Variants in CMTM8 observed in about 807,000 individuals in gnomAD.
The protein encoded by CMTM8 is CKLF like MARVEL transmembrane domain containing 8, also known as CKLF-like MARVEL transmembrane domain-containing protein 8.
A neutral mutation model predicts 18.6 loss-of-function variants in CMTM8; 12 were observed. The ratio of observed to expected loss-of-function variants is 0.65; its 90% CI spans 0.41 to 1.05. CMTM8 has a LOEUF of 1.05. Among genes scored for constraint, CMTM8 ranks in the 50% least tolerant of loss-of-function variants. The pLI is 0.00. For synonymous variants in CMTM8, 87 were observed against 90.6 expected (o/e 0.96, Z 0.23); for missense variants, 217 against 227.2 (o/e 0.95, Z 0.29).
intron 1 of CMTM8, among the ~76,000 whole-genome samples, chr3:32,255,882 T>G (rs891476210): frequency 4.6e-5 from 7 of 151,960 alleles, no homozygotes; most frequent in Admixed American, 3.9e-4. Context: ...CTTGCCACCA[T>G]GCCCAGCTAA....
At chr3:32,304,421 A>G in intron 1 of CMTM8, among the ~76,000 whole-genome samples, 1 of 152,192 alleles carries the variant, frequency 6.6e-6, no homozygotes, top group East Asian at 1.9e-4. Context: ...GGGAAAGGAA[A>G]AGTATAAAGG....
At chr3:32,292,822 T>C (rs1244544570) in intron 1 of CMTM8, among the ~76,000 whole-genome samples, 4 of 151,996 alleles carry the variant, frequency 2.6e-5, no homozygotes, top group Non-Finnish European at 5.9e-5. Flanking sequence ...TGCCAAATGC[T>C]CTGTGAAGGG....
intron 1 of CMTM8, among the ~76,000 whole-genome samples, chr3:32,349,088 G>A (rs1696654202): frequency 6.6e-6 from 1 of 152,012 alleles, no homozygotes; most frequent in Non-Finnish European, 1.5e-5. Flanking sequence ...GGTGGGAAAT[G>A]TTTTCTTCTA....
intron 1 of CMTM8, among the ~76,000 whole-genome samples, chr3:32,315,979 A>C (rs1037733293): frequency 2.7e-5 from 4 of 150,568 alleles, no homozygotes; most frequent in Non-Finnish European, 3.0e-5. Context: ...AAAATTACCA[A>C]GATCTAAAAT....
intron 1 of CMTM8, among the ~76,000 whole-genome samples, chr3:32,272,291 G>A (rs925704355): frequency 2.0e-5 from 3 of 151,930 alleles, no homozygotes; most frequent in Non-Finnish European, 4.4e-5. Flanking sequence ...GTCTAGCTAA[G>A]GTTTTCTTTT....
At chr3:32,282,624 C>T (rs891790754) in intron 1 of CMTM8, among the ~76,000 whole-genome samples, 3 of 152,160 alleles carry the variant, frequency 2.0e-5, no homozygotes, top group Admixed American at 1.3e-4. Context: ...CCCCCTACAC[C>T]GGTCTGCTCT....
intron 1 of CMTM8, among the ~76,000 whole-genome samples, chr3:32,251,884 G>A (rs1702115114): frequency 6.6e-6 from 1 of 151,664 alleles, no homozygotes; most frequent in Non-Finnish European, 1.5e-5. Context: ...GAGCTCAGGA[G>A]TTCGAGACTA....
chr3:32,272,946 G>T (rs2125544636), intron 1 of CMTM8, among the ~76,000 whole-genome samples: 2 of 152,092 alleles, frequency 1.3e-5, no homozygotes, highest in Admixed American at 6.5e-5. Context: ...AAAGGATTTG[G>T]GTAGATATTT....
chr3:32,254,718 TA>T (rs200045377), intron 1 of CMTM8, among the ~76,000 whole-genome samples: 2 of 149,782 alleles, frequency 1.3e-5, no homozygotes. Context: ...TTCTCTGGAT[TA>T]AAAAAAAAAT....
chr3:32,268,435 G>A (rs1193695713), intron 1 of CMTM8, among the ~76,000 whole-genome samples: 2 of 152,088 alleles, frequency 1.3e-5, no homozygotes, highest in Non-Finnish European at 2.9e-5. Context: ...CACACCCCGG[G>A]GCCTGTTGTG....
intron 1 of CMTM8, among the ~76,000 whole-genome samples, chr3:32,352,172 T>C (rs1191455238): frequency 8.7e-6 from 1 of 114,598 alleles, no homozygotes; most frequent in Non-Finnish European, 1.7e-5. Context: ...AGTGAGACTG[T>C]CTGAAAAAAA....
At chr3:32,281,437 A>G (rs1324710707) in intron 1 of CMTM8, among the ~76,000 whole-genome samples, 1 of 152,182 alleles carries the variant, frequency 6.6e-6, no homozygotes, top group Admixed American at 6.5e-5. Flanking sequence ...TTTTAAATGA[A>G]TAAAGTACAT....
At chr3:32,253,003 T>C (rs542883335) in intron 1 of CMTM8, among the ~76,000 whole-genome samples, 57 of 152,306 alleles carry the variant, frequency 3.7e-4, no homozygotes, top group African/African-American at 1.3e-3. Context: ...ACCTAGGAGA[T>C]AGGATTGTTT....
chr3:32,238,888 T>G lies in CMTM8; in HGVS notation c.-85T>G. The G allele has an allele frequency of 7.8e-7, 1 of 1,283,410 alleles. No individual in the cohort carries two copies. The highest frequency in any genetic ancestry group is 1.0e-6 in the Non-Finnish European group (1 of 992,720). The allele number at this position is 1,283,410 out of a possible 1,614,324, so 79.5% of individuals were successfully genotyped here. ...GGGCCGCGCTCCCCTCCCCCGCGCC[T>G]GTGTCCCCAGGGCGCAGGGCCGCGC... On this transcript the variant is annotated 5_prime_UTR_variant, in exon 1 of 4. Transcript: ENST00000307526.
intron 1 of CMTM8, among the ~76,000 whole-genome samples, chr3:32,319,074 ATT>A (rs1177949113): frequency 8.9e-4 from 28 of 31,532 alleles, no homozygotes; most frequent in African/African-American, 1.8e-3. Flanking sequence ...ATATATATAT[ATT>A]TTTTTTTTTT....
intron 1 of CMTM8, among the ~76,000 whole-genome samples, chr3:32,255,624 C>G (rs185177553): frequency 8.3e-4 from 126 of 152,232 alleles, no homozygotes; most frequent in Admixed American, 1.4e-3. Context: ...TGAGTCATTG[C>G]ACATCCATTT....
intron 1 of CMTM8, among the ~76,000 whole-genome samples, chr3:32,316,438 G>T (rs1695933000): frequency 6.6e-6 from 1 of 152,210 alleles, no homozygotes; most frequent in African/African-American, 2.4e-5. Flanking sequence ...AACTTTCCCA[G>T]ATCCTTGGTG....
chr3:32,282,636 A>G (rs557126093), intron 1 of CMTM8, among the ~76,000 whole-genome samples: 3 of 152,162 alleles, frequency 2.0e-5, no homozygotes, highest in Non-Finnish European at 2.9e-5. Flanking sequence ...GTCTGCTCTC[A>G]GCACAACAGC....
intron 1 of CMTM8, chr3:32,259,546 C>G: frequency 2.5e-6 from 2 of 807,274 alleles, no homozygotes; most frequent in Non-Finnish European, 2.2e-6. Context: ...AGACAGAGAT[C>G]GAGGCTCTCA....
Sources: allele counts gnomAD v4.1 joint callset (sites outside exome capture counted in the v4.1 genomes callset), GRCh38; gene constraint gnomAD v4.1.1; transcripts MANE v1.5; gene names NCBI Gene and HGNC (gene_info 2026-07-23, HGNC 2026-07-21).